Variants in FGF2 observed in about 807,000 individuals in gnomAD.
The protein encoded by FGF2 is basic fibroblast growth factor bFGF.
A neutral mutation model predicts 15.9 loss-of-function variants in FGF2; 13 were observed. That is an observed-to-expected ratio of 0.82 (90% CI 0.53 to 1.30). The LOEUF is 1.30. Among genes scored for constraint, FGF2 ranks in the 50% most tolerant of loss-of-function variants. The probability of loss-of-function intolerance (pLI) is 0.00; values close to 1 mark genes in which losing one functional copy is unlikely to be tolerated. For synonymous variants in FGF2, 90 were observed against 78.4 expected (o/e 1.15, Z -0.78); for missense variants, 163 against 196.9 (o/e 0.83, Z 1.03).
In FGF2 at chr4:122,892,997, G is replaced by A; in HGVS notation, c.*601G>A. 6.2e-7 allele frequency: 1 copy of A among 1,614,168 alleles called. No homozygotes were observed. The highest frequency in any genetic ancestry group is 8.5e-7 in the Non-Finnish European group (1 of 1,180,036). On this transcript the variant is annotated 3_prime_UTR_variant, in exon 3 of 3. Coordinates refer to ENST00000644866, the MANE Select transcript of FGF2 (RefSeq NM_001361665.2). The stretch of plus-strand genomic sequence containing the variant: ...CCTAGCAACTCTGCTGGTGATGGGA[G>A]TTGTATTTTCAGTCTTCGCCAGGTC...
At chr4:122,861,113 T>G (rs1361857825) in intron 1 of FGF2, among the ~76,000 whole-genome samples, 6 of 152,234 alleles carry the variant, frequency 3.9e-5, no homozygotes, top group African/African-American at 1.4e-4. Flanking sequence ...GGTGCTTCCT[T>G]GGATTATGTC....
intron 1 of FGF2, among the ~76,000 whole-genome samples, chr4:122,865,166 C>T (rs547024874): frequency 6.6e-6 from 1 of 152,204 alleles, no homozygotes; most frequent in Non-Finnish European, 1.5e-5. Context: ...TTTTGTTTAT[C>T]TAATACAAAT....
chr4:122,864,705 T>G (rs1726536197), intron 1 of FGF2, among the ~76,000 whole-genome samples: 1 of 152,234 alleles, frequency 6.6e-6, no homozygotes, highest in Non-Finnish European at 1.5e-5. Flanking sequence ...GGTATTTTTA[T>G]TCTAGATTGC....
At chr4:122,832,186 G>C (rs892579901) in intron 1 of FGF2, among the ~76,000 whole-genome samples, 10 of 152,166 alleles carry the variant, frequency 6.6e-5, no homozygotes, top group Non-Finnish European at 7.3e-5. Context: ...CTGTAAGAAG[G>C]CTGGCATGGG....
intron 2 of FGF2, chr4:122,890,208 T>C (rs2150791615): frequency 6.6e-6 from 1 of 152,158 alleles, no homozygotes; most frequent in Non-Finnish European, 1.5e-5. Flanking sequence ...AGAGGTAGAG[T>C]AAAAGTATTG....
intron 2 of FGF2, among the ~76,000 whole-genome samples, chr4:122,891,725 T>G (rs1727194622): frequency 6.9e-6 from 1 of 143,916 alleles, no homozygotes; most frequent in South Asian, 2.5e-4. Flanking sequence ...TTAACAAACC[T>G]CCTTCTGTAT....
At chr4:122,829,402 A>G (rs536217739) in intron 1 of FGF2, among the ~76,000 whole-genome samples, 1 of 152,238 alleles carries the variant, frequency 6.6e-6, no homozygotes, top group South Asian at 2.1e-4. Context: ...TACAATACAC[A>G]TTATAATACC....
At chr4:122,843,334 T>C (rs1287127836) in intron 1 of FGF2, among the ~76,000 whole-genome samples, 5 of 152,184 alleles carry the variant, frequency 3.3e-5, no homozygotes, top group Admixed American at 2.0e-4. Context: ...AAAAGAAGTT[T>C]GGAATGGCAA....
intron 2 of FGF2, 123 bp downstream of exon 2, chr4:122,876,547 T>C (rs972102755): frequency 1.7e-5 from 12 of 719,900 alleles, no homozygotes; most frequent in Non-Finnish European, 3.0e-5. Context: ...AGTCACCCTG[T>C]AAAATAGGGA....
chr4:122,876,425 G>C lies in FGF2; in HGVS notation c.282+1G>C, dbSNP rs1726847435. The C allele has an allele frequency of 6.3e-7, 1 of 1,583,694 alleles. No homozygotes were observed. Among genetic ancestry groups the C allele is most frequent in the Non-Finnish European group, 8.7e-7 (1 of 1,152,364 alleles). ...GGAAGATGGAAGATTACTGGCTTCT[G>C]TAAGCATACTTTCTGTTTTCACACG... On this transcript the variant is annotated splice_donor_variant, in intron 2 of 2. Coordinates refer to ENST00000644866, the MANE Select transcript of FGF2 (RefSeq NM_001361665.2). LOFTEE classifies it high-confidence loss of function.
rs770049103 is a variant in FGF2, at chr4:122,892,210, G to C, written c.283-1G>C. 6.2e-7 allele frequency: 1 copy of C among 1,606,034 alleles called. No individual in the cohort carries two copies. Among genetic ancestry groups the C allele is most frequent in the East Asian group, 2.2e-5 (1 of 44,838 alleles). ...CAGGTAATTCTTCCTTTATTTTTCA[G>C]AAATGTGTTACGGATGAGTGTTTCT... On this transcript the variant is annotated splice_acceptor_variant, in intron 2 of 2. Coordinates refer to ENST00000644866, the MANE Select transcript of FGF2 (RefSeq NM_001361665.2). LOFTEE classifies it high-confidence loss of function.
chr4:122,846,403 A>C (rs1030691544), intron 1 of FGF2, among the ~76,000 whole-genome samples: 1 of 152,240 alleles, frequency 6.6e-6, no homozygotes, highest in Non-Finnish European at 1.5e-5. Flanking sequence ...ATTTTTAAAA[A>C]TCATAGTATC....
At chr4:122,832,552 C>A (rs1725786088) in intron 1 of FGF2, among the ~76,000 whole-genome samples, 1 of 152,156 alleles carries the variant, frequency 6.6e-6, no homozygotes, top group Non-Finnish European at 1.5e-5. Flanking sequence ...CAGCCTGGGG[C>A]ACAAATCTTA....
chr4:122,829,149 A>G (rs962466238), intron 1 of FGF2, among the ~76,000 whole-genome samples: 1 of 152,204 alleles, frequency 6.6e-6, no homozygotes, highest in Non-Finnish European at 1.5e-5. Flanking sequence ...TAGCCAGTGG[A>G]CATAATTTTG....
intron 1 of FGF2, among the ~76,000 whole-genome samples, chr4:122,855,928 C>T (rs1312205139): frequency 6.6e-6 from 1 of 152,144 alleles, no homozygotes; most frequent in African/African-American, 2.4e-5. Flanking sequence ...TTTCTTCTGT[C>T]CCCGTACCCT....
chr4:122,856,443 T>C (rs1309128045), intron 1 of FGF2, among the ~76,000 whole-genome samples: 2 of 152,236 alleles, frequency 1.3e-5, no homozygotes, highest in African/African-American at 4.8e-5. Context: ...CTCAATTTCT[T>C]CCATTTTCTG....
intron 1 of FGF2, among the ~76,000 whole-genome samples, chr4:122,856,972 C>T (rs1256058174): frequency 6.6e-6 from 1 of 152,162 alleles, no homozygotes; most frequent in Non-Finnish European, 1.5e-5. Context: ...CCATTTAACA[C>T]ATATAGGGTT....
At chr4:122,862,993 G>A (rs547227458) in intron 1 of FGF2, among the ~76,000 whole-genome samples, 85 of 152,242 alleles carry the variant, frequency 5.6e-4, no homozygotes, top group Middle Eastern at 6.8e-3. Flanking sequence ...GTCCAATTTA[G>A]AAAGGTCTCT....
Position 122,897,565 on chromosome 4 carries a change from G to A in FGF2, c.*5169G>A, listed in dbSNP as rs1024252509. The A allele has an allele frequency of 1.2e-5, 15 of 1,205,266 alleles. No individual in the cohort carries two copies. Among genetic ancestry groups the A allele is most frequent in the Non-Finnish European group, 1.6e-5 (13 of 809,226 alleles). The allele number at this position is 1,205,266 out of a possible 1,614,324, so 74.7% of individuals were successfully genotyped here. Reference sequence around the variant, plus strand: ...TTATTCTTAGCTATAAAGCAAGAAAGTAAACACATTAATTTCCTCAACATT... The same window carrying A: ...TTATTCTTAGCTATAAAGCAAGAAAATAAACACATTAATTTCCTCAACATT... On this transcript the variant is annotated 3_prime_UTR_variant, in exon 3 of 3. Transcript: ENST00000644866.
Sources: gnomAD v4.1 joint callset for allele counts (sites outside exome capture counted in the v4.1 genomes callset) on GRCh38, gnomAD v4.1.1 for gene constraint, MANE v1.5 for transcripts, NCBI Gene and HGNC (gene_info 2026-07-23, HGNC 2026-07-21) for gene names.